The following ATXN3 variants were observed in gnomAD, a reference collection of about 807,000 sequenced individuals.
ATXN3 encodes the protein ataxin-3.
ATXN3 carries 28 observed loss-of-function variants against 58.2 expected under a neutral mutation model. The observed-to-expected ratio is 0.48, with a 90% confidence interval of 0.36 to 0.66. The LOEUF (loss-of-function observed/expected upper bound fraction) is 0.66, where lower values mean the gene tolerates loss of function less well. ATXN3 is among the 30% of genes least tolerant of loss of function. The probability of loss-of-function intolerance (pLI) is 0.00; values close to 1 mark genes in which losing one functional copy is unlikely to be tolerated. For synonymous variants in ATXN3, 113 were observed against 138.5 expected, an observed-to-expected ratio of 0.82 and a Z score of 1.29; for missense variants, 321 against 422.1, an observed-to-expected ratio of 0.76 and a Z score of 2.10.
At chr14:92,093,891 T>G (rs777178859) in intron 3 of ATXN3, 60 bp from the exon 4 acceptor site, 2 of 1,031,400 alleles carry the variant, frequency 1.9e-6, no homozygotes, top group Non-Finnish European at 1.5e-6. Context: ...ATTTAGGAAG[T>G]GTAGCTATGT....
At chr14:92,073,107 C>T (rs1292887691) in intron 9 of ATXN3, among the ~76,000 whole-genome samples, 1 of 152,214 alleles carries the variant, frequency 6.6e-6, no homozygotes, top group East Asian at 1.9e-4. Flanking sequence ...GCCCTCTGCC[C>T]CTCCACTCAA....
intron 9 of ATXN3, among the ~76,000 whole-genome samples, chr14:92,073,857 A>C (rs2059877169): frequency 2.0e-5 from 3 of 151,060 alleles, no homozygotes; most frequent in Non-Finnish European, 4.4e-5. Context: ...CAAAACAAAA[A>C]CAAAAATTAG....
At position 92,093,316 on chromosome 14, in the gene ATXN3, T is replaced by C; in HGVS notation, c.323A>G (p.Asn108Ser). 1 of 1,408,006 alleles carries C rather than the reference T, an allele frequency of 7.1e-7. No individual in the cohort carries two copies. Among genetic ancestry groups the C allele is most frequent in the Non-Finnish European group, 9.9e-7 (1 of 1,008,440 alleles). The allele number at this position is 1,408,006 out of a possible 1,614,324, so 87.2% of individuals were successfully genotyped here. ...ATAATTGCATATAAATGATCTTTCA[T>C]TTCTAAAAAAGAAAACAGACAATAT... ...EYQRLRIDPINERSFICNYKE... is the reference protein window; with the variant it reads ...EYQRLRIDPISERSFICNYKE... The change falls in exon 5 of 11, where the codon AAT becomes AGT. Residue 108 changes from asparagine to serine, a missense_variant and splice_region_variant. Around this residue, in one of 2 missense-constraint regions of ATXN3, gnomAD observed 121 missense variants for 198.9 expected, o/e 0.61. Coordinates refer to ENST00000644486, the MANE Select transcript of ATXN3 (RefSeq NM_004993.6).
At chr14:92,080,613 A>C (rs2061287376) in intron 9 of ATXN3, 1 of 322,788 alleles carries the variant, frequency 3.1e-6, no homozygotes, top group African/African-American at 2.2e-5. Context: ...GGCTCACTGC[A>C]ACCTCCACGT....
chr14:92,069,475 G>C (rs1365313232), intron 10 of ATXN3, among the ~76,000 whole-genome samples: 1 of 147,958 alleles, frequency 6.8e-6, no homozygotes, highest in African/African-American at 2.5e-5. Context: ...CCGGGTTCAC[G>C]TGATTCTCCT....
At chr14:92,046,742 C>A (rs984557983) in intron 2 of ATXN3, among the ~76,000 whole-genome samples, 2 of 152,022 alleles carry the variant, frequency 1.3e-5, no homozygotes. Flanking sequence ...GCAAAGGTAT[C>A]CAACCATGCC....
At chr14:92,074,903 C>A (rs894406960) in intron 9 of ATXN3, among the ~76,000 whole-genome samples, 1 of 152,162 alleles carries the variant, frequency 6.6e-6, no homozygotes, top group African/African-American at 2.4e-5. Flanking sequence ...CAAAGCCACA[C>A]CTAGAGAAGA....
intron 1 of ATXN3, among the ~76,000 whole-genome samples, chr14:92,049,093 C>A (rs1034438714): frequency 2.0e-5 from 3 of 152,028 alleles, no homozygotes; most frequent in Non-Finnish European, 4.4e-5. Flanking sequence ...TGTATTGGGG[C>A]CAAGCGGTAT....
Position 92,081,833 on chromosome 14 carries a change from C to T in ATXN3, c.775+467G>A, listed in dbSNP as rs192116249. On this transcript the variant is annotated intron_variant, in intron 8 of 10. Transcript: ENST00000644486. ...CTAGATTGTCTAGGGGATATGTTTT[C>T]GCTTTTCTCTATTGATAGTTTATAT... Among the ~76,000 whole-genome samples, 218 of 152,248 alleles carry T rather than the reference C, an allele frequency of 1.4e-3. 1 individual carries two copies. Among genetic ancestry groups the T allele is most frequent in the Admixed American group, 2.5e-3 (38 of 15,286 alleles).
Position 92,070,849 on chromosome 14 carries a change from A to G in ATXN3, c.991+86T>C, listed in dbSNP as rs1418051273. 1 of 1,612,408 alleles carries G rather than the reference A, an allele frequency of 6.2e-7. No homozygotes were observed. The highest frequency in any genetic ancestry group is 8.5e-7 in the Non-Finnish European group (1 of 1,179,496). On this transcript the variant is annotated intron_variant, in intron 10 of 10. Coordinates refer to ENST00000644486, the MANE Select transcript of ATXN3 (RefSeq NM_004993.6). ...AATATGATTAAAGAGGGAATGAAGA[A>G]TAATGTAAAGCAAAAATCACATGGA...
chr14:92,076,426 T>A (rs1354957999), intron 9 of ATXN3, among the ~76,000 whole-genome samples: 3 of 133,444 alleles, frequency 2.2e-5, no homozygotes, highest in Non-Finnish European at 3.1e-5. Context: ...CCAGACTGGG[T>A]GACAAAAGCG....
rs55794018 is a variant in ATXN3 at position 92,103,819 on chromosome 14, G to C, written c.24+2710C>G. Among the ~76,000 whole-genome samples the C allele has an allele frequency of 4.3e-3, 650 of 152,318 alleles. 3 individuals are homozygous for C. Among genetic ancestry groups the C allele is most frequent in the African/African-American group, 0.015 (606 of 41,560 alleles). On this transcript the variant is annotated intron_variant, in intron 1 of 10. Transcript: ENST00000644486. ...GCAAGGCCCTTCGTAGGCAGATATT[G>C]CTACCTACACAGCTTCTTTAGGGCC...
At chr14:92,101,385 CA>C (rs1486401930) in intron 1 of ATXN3, among the ~76,000 whole-genome samples, 18 of 152,266 alleles carry the variant, frequency 1.2e-4, no homozygotes, top group African/African-American at 4.1e-4. Flanking sequence ...TAACTTAAGT[CA>C]TAGGACGGAT....
intron 6 of ATXN3, among the ~76,000 whole-genome samples, chr14:92,084,705 G>C (rs1160745095): frequency 6.6e-6 from 1 of 151,778 alleles, no homozygotes; most frequent in East Asian, 1.9e-4. Context: ...TCAGCCTCCT[G>C]AGTAGCTGGG....
At chr14:92,092,682 ATAGT>A (rs1345539615) in intron 5 of ATXN3, among the ~76,000 whole-genome samples, 7 of 152,134 alleles carry the variant, frequency 4.6e-5, no homozygotes, top group South Asian at 2.1e-4. Context: ...TTCTTATGAT[ATAGT>A]TAAATTGCAT....
downstream of ATXN3, among the ~76,000 whole-genome samples, chr14:92,056,473 A>C (rs952343812): frequency 6.6e-6 from 1 of 152,206 alleles, no homozygotes; most frequent in African/African-American, 2.4e-5. Flanking sequence ...TACAACATGG[A>C]TGAACCTTGA....
intron 5 of ATXN3, among the ~76,000 whole-genome samples, chr14:92,092,514 T>C (rs1046026541): frequency 2.0e-5 from 3 of 152,238 alleles, no homozygotes; most frequent in Non-Finnish European, 2.9e-5. Flanking sequence ...GCAAACATAA[T>C]TGAATGCTTT....
intron 9 of ATXN3, among the ~76,000 whole-genome samples, chr14:92,072,517 G>A (rs1010972708): frequency 6.6e-6 from 1 of 152,070 alleles, no homozygotes; most frequent in African/African-American, 2.4e-5. Flanking sequence ...TGCTTAACTG[G>A]TAAGTATAGT....
In ATXN3 at chr14:92,102,624, A is replaced by G. The variant is rs1200992180; in HGVS notation, c.24+3905T>C. Among the ~76,000 whole-genome samples the G allele has an allele frequency of 2.0e-5, 3 of 152,212 alleles. No individual in the cohort carries two copies. The East Asian group carries it at 5.8e-4, about 29-fold the overall frequency. ...TAGTGCTCTCCGAGCCCTTACTATG[A>G]GGTTCAGCAAACACAAGCACCTGAG... On this transcript the variant is annotated intron_variant, in intron 1 of 10. Coordinates refer to ENST00000644486, the MANE Select transcript of ATXN3 (RefSeq NM_004993.6).
Sources: gnomAD v4.1 joint callset for allele counts (sites outside exome capture counted in the v4.1 genomes callset) on GRCh38, gnomAD v4.1.1 for gene constraint, gnomAD v4.1.1 regional missense constraint, MANE v1.5 for transcripts, NCBI Gene and HGNC (gene_info 2026-07-23, HGNC 2026-07-21) for gene names.